Variants in FGF14 observed in about 807,000 individuals in gnomAD.
FGF14 encodes the protein fibroblast growth factor homologous factor 4.
FGF14 carries 5 observed loss-of-function variants against 25.5 expected under a neutral mutation model. The observed-to-expected ratio is 0.20, with a 90% CI of 0.10 to 0.41. The LOEUF (loss-of-function observed/expected upper bound fraction) is 0.41, where lower values mean the gene tolerates loss of function less well. Among genes scored for constraint, FGF14 ranks in the 10% least tolerant of loss-of-function variants. The probability of loss-of-function intolerance (pLI) is 1.00; values close to 1 mark genes in which losing one functional copy is unlikely to be tolerated. For missense variants in FGF14, 222 were observed against 320.1 expected, an observed-to-expected ratio of 0.69 and a Z score of 2.34; for synonymous variants, 138 against 118.3, an observed-to-expected ratio of 1.17 and a Z score of -1.08.
At chr13:102,075,917 G>GA (rs568381425) in intron 1 of FGF14, among the ~76,000 whole-genome samples, 2 of 152,074 alleles carry the variant, frequency 1.3e-5, no homozygotes, top group Non-Finnish European at 2.9e-5. Context: ...ATAAATTCTA[G>GA]AAAAAACCTT....
intron 3 of FGF14, among the ~76,000 whole-genome samples, chr13:101,834,251 G>A (rs534915909): frequency 3.3e-5 from 5 of 152,116 alleles, no homozygotes; most frequent in African/African-American, 1.2e-4. Flanking sequence ...AGACCATAGT[G>A]TTGATCTCTG....
intron 1 of FGF14, among the ~76,000 whole-genome samples, chr13:101,879,139 T>C (rs1268798080): frequency 6.6e-6 from 1 of 152,178 alleles, no homozygotes; most frequent in African/African-American, 2.4e-5. Flanking sequence ...GTGTTCAGAA[T>C]ACCTACTCTG....
intron 1 of FGF14, among the ~76,000 whole-genome samples, chr13:102,220,617 C>A (rs932886542): frequency 6.6e-6 from 1 of 152,196 alleles, no homozygotes; most frequent in Non-Finnish European, 1.5e-5. Context: ...AATATTTGAT[C>A]ACGTTCTTGC....
intron 1 of FGF14, among the ~76,000 whole-genome samples, chr13:102,366,017 T>C (rs1480935597): frequency 6.6e-6 from 1 of 152,142 alleles, no homozygotes; most frequent in Non-Finnish European, 1.5e-5. Context: ...AGAGTGCATA[T>C]ATAGGAAGTG....
chr13:102,245,788 T>C (rs1475859678), intron 1 of FGF14, among the ~76,000 whole-genome samples: 2 of 152,094 alleles, frequency 1.3e-5, no homozygotes, highest in African/African-American at 2.4e-5. Flanking sequence ...AATTGAGATA[T>C]GTTTTTAAAG....
intron 3 of FGF14, among the ~76,000 whole-genome samples, chr13:101,786,918 T>A (rs1039608657): frequency 6.6e-6 from 1 of 152,188 alleles, no homozygotes; most frequent in Admixed American, 6.5e-5. Context: ...GTCTCCACAC[T>A]GGATTTTCTC....
At chr13:101,821,040 C>T (rs1400047018) in intron 3 of FGF14, among the ~76,000 whole-genome samples, 6 of 148,732 alleles carry the variant, frequency 4.0e-5, no homozygotes, top group Admixed American at 2.0e-4. Context: ...CTCCGCCCCC[C>T]GGGATTCACG....
rs60594991 is a variant in FGF14 at position 101,738,956 on chromosome 13, G to GTATATA, written c.409-12152_409-12147dup. On this transcript the variant is annotated intron_variant, in intron 3 of 4. Coordinates refer to ENST00000376143, the MANE Select transcript of FGF14 (RefSeq NM_004115.4). ...ATGTATATATTGTATGTGTGTGTGTGTATATATATATATATATGCCAATTG... is the reference window on the plus strand; with the variant it reads ...ATGTATATATTGTATGTGTGTGTGTGTATATATATATATATATATATATGCCAATTG... 3.4e-5 allele frequency among the ~76,000 whole-genome samples: 5 copies of GTATATA among 146,200 alleles called. No homozygotes were observed. The East Asian group carries it at 1.0e-3, about 29-fold the overall frequency.
chr13:101,875,398 C>A, intron 1 of FGF14, 102 bp from the exon 2 acceptor site: 6 of 783,856 alleles, frequency 7.7e-6, no homozygotes, highest in Non-Finnish European at 1.3e-5. Flanking sequence ...ACATTTTATA[C>A]AAGTAGCATA....
At chr13:102,014,190 A>C (rs1379328553) in intron 1 of FGF14, among the ~76,000 whole-genome samples, 2 of 152,164 alleles carry the variant, frequency 1.3e-5, no homozygotes, top group East Asian at 3.9e-4. Flanking sequence ...AGTGATGTAC[A>C]CATTGTGCAC....
At chr13:101,894,409 C>G (rs2030297562) in intron 1 of FGF14, among the ~76,000 whole-genome samples, 1 of 152,064 alleles carries the variant, frequency 6.6e-6, no homozygotes, top group Non-Finnish European at 1.5e-5. Context: ...GATAGCATCT[C>G]AGGAATTATC....
intron 1 of FGF14, among the ~76,000 whole-genome samples, chr13:102,249,404 AAG>A (rs2052049107): frequency 6.6e-6 from 1 of 152,210 alleles, no homozygotes; most frequent in Non-Finnish European, 1.5e-5. Context: ...CACAATCAGA[AAG>A]AAAAGGTTGG....
rs2047634797 is a variant in FGF14 at position 102,161,565 on chromosome 13, TGAAGAAAGAAAGAAGAAGAAGAA to T, written c.208+239883_208+239905del. Among the ~76,000 whole-genome samples, 6 of 97,926 alleles carry T rather than the reference TGAAGAAAGAAAGAAGAAGAAGAA, an allele frequency of 6.1e-5. 1 individual carries two copies. Among genetic ancestry groups the T allele is most frequent in the East Asian group, 6.8e-4 (2 of 2,952 alleles). The allele number at this position is 97,926 out of a possible 152,430, so 64.2% of individuals were successfully genotyped here. A position where few individuals can be genotyped will look rare whatever the true frequency, so the allele number is the denominator to read the frequency against. The stretch of plus-strand genomic sequence containing the variant: ...TATTCTCTATGCAACCAACTTTCTG[TGAAGAAAGAAAGAAGAAGAAGAA>T]GAAGAAGAAGAAGAAGAAGAAGAAG... On this transcript the variant is annotated intron_variant, in intron 1 of 4. Coordinates refer to the FGF14 transcript ENST00000376131.
intron 1 of FGF14, among the ~76,000 whole-genome samples, chr13:102,331,987 A>G (rs1231110138): frequency 6.6e-6 from 1 of 152,140 alleles, no homozygotes; most frequent in Admixed American, 6.6e-5. Context: ...CACAATAAAT[A>G]TTTGTGCAAG....
intron 1 of FGF14, among the ~76,000 whole-genome samples, chr13:102,369,615 T>C (rs932367104): frequency 6.6e-6 from 1 of 152,168 alleles, no homozygotes; most frequent in Non-Finnish European, 1.5e-5. Context: ...GGTTATCCAT[T>C]GCTGCCTTAG....
intron 1 of FGF14, among the ~76,000 whole-genome samples, chr13:102,393,117 GCTAA>G (rs1352872950): frequency 6.6e-6 from 1 of 152,108 alleles, no homozygotes; most frequent in Non-Finnish European, 1.5e-5. Context: ...TTACCACGTG[GCTAA>G]CTCTTAGTCA....
rs765139126 is a variant in FGF14, at chr13:101,726,618, A to G, written c.601T>C (p.Leu201=). 6.2e-7 allele frequency: 1 copy of G among 1,613,192 alleles called. No individual in the cohort carries two copies. Among genetic ancestry groups the G allele is most frequent in the Non-Finnish European group, 8.5e-7 (1 of 1,179,444 alleles). The change falls in exon 4 of 5, where the codon TTG becomes CTG. Residue 201 remains leucine, a synonymous_variant. Transcript: ENST00000376143. ...KPAAHFLPKP[L]EVAMYREPSL... ...ATGCATGCATAATACTCACCTTCCAATGGCTTGGGTAGAAAATGAGCTGCT... is the reference window on the plus strand; with the variant it reads ...ATGCATGCATAATACTCACCTTCCAGTGGCTTGGGTAGAAAATGAGCTGCT...
intron 1 of FGF14, among the ~76,000 whole-genome samples, chr13:102,069,506 G>A (rs1230049783): frequency 6.6e-6 from 1 of 152,062 alleles, no homozygotes; most frequent in African/African-American, 2.4e-5. Context: ...TCACTCTTTG[G>A]GTCCACGCTG....
At chr13:102,271,497 A>G (rs1537933) in intron 1 of FGF14, among the ~76,000 whole-genome samples, 46,974 of 144,690 alleles carry the variant, frequency 0.32, 7,737 homozygotes, top group African/African-American at 0.43. Flanking sequence ...CCCATCATCA[A>G]TGGAAGCTAA....
Sources: gnomAD v4.1 joint callset for allele counts (sites outside exome capture counted in the v4.1 genomes callset) on GRCh38, gnomAD v4.1.1 for gene constraint, MANE v1.5 for transcripts, NCBI Gene and HGNC (gene_info 2026-07-23, HGNC 2026-07-21) for gene names.